The following GADL1 variants were observed in gnomAD, a reference collection of about 807,000 sequenced individuals.
GADL1 encodes the protein GAD like acidic amino acid decarboxylase 1.
GADL1 carries 71 observed loss-of-function variants against 69.5 expected under a neutral mutation model. The ratio of observed to expected loss-of-function variants is 1.02; its 90% CI spans 0.84 to 1.25. The LOEUF (loss-of-function observed/expected upper bound fraction) is 1.25. Ranked by LOEUF, GADL1 falls within the 50% of genes most tolerant of loss-of-function variation. The pLI is 0.00. For missense variants in GADL1, 737 were observed against 631.8 expected (o/e 1.17, Z -1.79); for synonymous variants, 254 against 214.4 (o/e 1.18, Z -1.62).
At chr3:30,823,437 A>C (rs905380567) in intron 11 of GADL1, among the ~76,000 whole-genome samples, 3 of 152,012 alleles carry the variant, frequency 2.0e-5, no homozygotes, top group African/African-American at 7.2e-5. Flanking sequence ...TCCACCATGA[A>C]GTGGAGGTAC....
chr3:30,822,233 T>C (rs924273285), intron 11 of GADL1, among the ~76,000 whole-genome samples: 1 of 152,058 alleles, frequency 6.6e-6, no homozygotes, highest in African/African-American at 2.4e-5. Context: ...TAGCTTCCCA[T>C]GTTTCTGGCA....
intron 14 of GADL1, among the ~76,000 whole-genome samples, chr3:30,775,148 T>C (rs958799358): frequency 3.3e-5 from 5 of 152,168 alleles, no homozygotes; most frequent in South Asian, 2.1e-4. Flanking sequence ...TCAAATAGTC[T>C]CACGTACGTG....
rs539337059 is a variant in GADL1, at chr3:30,841,852, G to A, written c.786+2358C>T. Among the ~76,000 whole-genome samples the A allele has an allele frequency of 6.6e-5, 10 of 152,286 alleles. 1 individual carries two copies. The highest frequency in any genetic ancestry group is 3.9e-4 in the East Asian group (2 of 5,176). Reference sequence around the variant, plus strand: ...ATGTCTCCTGATGGCAGGAGCCAATGAAGCCTCCCTGGTTTTAAAAAAAGA... The same window carrying A: ...ATGTCTCCTGATGGCAGGAGCCAATAAAGCCTCCCTGGTTTTAAAAAAAGA... On this transcript the variant is annotated intron_variant, in intron 8 of 14. Transcript: ENST00000282538.
chr3:30,850,965 C>T (rs1559361053), intron 4 of GADL1, 24 bp from the exon 5 acceptor site: 2 of 1,324,892 alleles, frequency 1.5e-6, no homozygotes, highest in Non-Finnish European at 2.1e-6. Flanking sequence ...AAAAACACTT[C>T]ACTTCTATGA....
intron 2 of GADL1, among the ~76,000 whole-genome samples, chr3:30,857,788 G>T (rs1698253573): frequency 6.6e-6 from 1 of 151,886 alleles, no homozygotes; most frequent in Non-Finnish European, 1.5e-5. Flanking sequence ...TTTTCCTCTA[G>T]TCTCATCTGG....
chr3:30,851,107 A>G (rs908765443), intron 4 of GADL1, among the ~76,000 whole-genome samples, 166 bp from the exon 5 acceptor site: 4 of 152,202 alleles, frequency 2.6e-5, no homozygotes, highest in Non-Finnish European at 5.9e-5. Context: ...CAGTGACAGC[A>G]CTAGTCATGG....
intron 2 of GADL1, among the ~76,000 whole-genome samples, chr3:30,859,769 G>T (rs1252858928): frequency 1.3e-5 from 2 of 151,868 alleles, no homozygotes; most frequent in Non-Finnish European, 1.5e-5. Flanking sequence ...TTTTAATGGT[G>T]CTCTGTTGGA....
chr3:30,768,627 G>A (rs1696344730), intron 14 of GADL1, among the ~76,000 whole-genome samples: 1 of 152,014 alleles, frequency 6.6e-6, no homozygotes, highest in African/African-American at 2.4e-5. Flanking sequence ...AAAGACCTCT[G>A]AGGCACAAAG....
intron 11 of GADL1, among the ~76,000 whole-genome samples, chr3:30,802,513 G>C (rs530802266): frequency 2.6e-5 from 4 of 152,244 alleles, no homozygotes; most frequent in African/African-American, 9.6e-5. Context: ...TAGACATGGC[G>C]GTCCTAGAAA....
intron 13 of GADL1, among the ~76,000 whole-genome samples, chr3:30,780,080 A>T (rs1696626303): frequency 6.6e-6 from 1 of 152,168 alleles, no homozygotes; most frequent in Non-Finnish European, 1.5e-5. Flanking sequence ...GCAGACAGGC[A>T]GCAAGTGGAG....
At chr3:30,751,997 AAGAT>A (rs1357348081) in intron 14 of GADL1, among the ~76,000 whole-genome samples, 1 of 140,956 alleles carries the variant, frequency 7.1e-6, no homozygotes, top group African/African-American at 2.9e-5. Flanking sequence ...CTGTCTAAAT[AAGAT>A]AGGACGATTC....
intron 11 of GADL1, among the ~76,000 whole-genome samples, chr3:30,812,435 T>C (rs1260698711): frequency 2.0e-5 from 3 of 152,182 alleles, no homozygotes; most frequent in Non-Finnish European, 4.4e-5. Context: ...GAAAGGCACA[T>C]TGCTCATGGC....
intron 14 of GADL1, among the ~76,000 whole-genome samples, chr3:30,766,787 A>C (rs534459452): frequency 1.3e-5 from 2 of 152,286 alleles, no homozygotes; most frequent in South Asian, 4.1e-4. Context: ...CAAGGTAAGA[A>C]GGTTGAGTAA....
chr3:30,857,248 T>C, intron 2 of GADL1, 107 bp from the exon 3 acceptor site: 1 of 892,044 alleles, frequency 1.1e-6, no homozygotes, highest in Non-Finnish European at 1.7e-6. Flanking sequence ...CAGCGGGTGA[T>C]TTAAACATGC....
chr3:30,766,249 CAG>C (rs925290470), intron 14 of GADL1, among the ~76,000 whole-genome samples: 3 of 152,066 alleles, frequency 2.0e-5, no homozygotes, highest in Non-Finnish European at 4.4e-5. Context: ...GGGATGAAAG[CAG>C]AGAGAAAATA....
intron 13 of GADL1, among the ~76,000 whole-genome samples, chr3:30,784,064 T>G (rs886357262): frequency 9.2e-5 from 14 of 152,108 alleles, no homozygotes; most frequent in African/African-American, 3.4e-4. Context: ...AAATATAAAG[T>G]GATCAAACTC....
chr3:30,816,686 C>T (rs1283946089), intron 11 of GADL1, among the ~76,000 whole-genome samples: 1 of 151,664 alleles, frequency 6.6e-6, no homozygotes, highest in Non-Finnish European at 1.5e-5. Context: ...GCTGGGACTA[C>T]AGGCGCATGC....
intron 14 of GADL1, among the ~76,000 whole-genome samples, chr3:30,729,984 T>C (rs1026705273): frequency 6.6e-6 from 1 of 152,182 alleles, no homozygotes; most frequent in Non-Finnish European, 1.5e-5. Context: ...GAAAAGGTGA[T>C]GTTAGAGGTC....
At chr3:30,820,564 G>T (rs1416142026) in intron 11 of GADL1, among the ~76,000 whole-genome samples, 1 of 152,216 alleles carries the variant, frequency 6.6e-6, no homozygotes, top group South Asian at 2.1e-4. Flanking sequence ...CAGTTAGAAG[G>T]TTTAAAAAAT....
Sources: gnomAD v4.1 joint callset for allele counts (sites outside exome capture counted in the v4.1 genomes callset) on GRCh38, gnomAD v4.1.1 for gene constraint, MANE v1.5 for transcripts, NCBI Gene and HGNC (gene_info 2026-07-23, HGNC 2026-07-21) for gene names.